Variants in NEO1 observed in about 807,000 individuals in gnomAD.
NEO1 encodes neogenin.
Under a neutral mutation model 159.7 loss-of-function variants are expected in NEO1, and 63 were observed. The observed-to-expected ratio is 0.39, with a 90% CI of 0.32 to 0.49. The LOEUF is 0.49. NEO1 is among the 20% of genes least tolerant of loss of function. NEO1 has a pLI of 0.85. For missense variants in NEO1, 1,615 were observed against 1,831.0 expected (o/e 0.88, Z 2.15); for synonymous variants, 633 against 662.0 (o/e 0.96, Z 0.67).
intron 5 of NEO1, among the ~76,000 whole-genome samples, chr15:73,160,095 T>C (rs766709814): frequency 5.9e-5 from 9 of 152,324 alleles, no homozygotes; most frequent in Admixed American, 3.3e-4. Context: ...AGTTCTGTTA[T>C]CTGTTTTCCC....
At chr15:73,215,272 T>C (rs1295551800) in intron 7 of NEO1, among the ~76,000 whole-genome samples, 1 of 152,208 alleles carries the variant, frequency 6.6e-6, no homozygotes, top group Non-Finnish European at 1.5e-5. Context: ...CCTTTATTTC[T>C]TTCTCTTGTC....
chr15:73,287,634 C>T (rs1269393244), intron 23 of NEO1, among the ~76,000 whole-genome samples: 2 of 152,234 alleles, frequency 1.3e-5, no homozygotes, highest in African/African-American at 4.8e-5. Context: ...GTAATCCCAG[C>T]ACTTTGGGAG....
At chr15:73,136,448 C>A (rs985165060) in intron 5 of NEO1, among the ~76,000 whole-genome samples, 2 of 151,938 alleles carry the variant, frequency 1.3e-5, no homozygotes. Context: ...ATTCACTTTT[C>A]TTGTCTCAGG....
intron 7 of NEO1, among the ~76,000 whole-genome samples, chr15:73,190,799 T>G (rs1218639701): frequency 2.0e-5 from 3 of 152,122 alleles, no homozygotes; most frequent in Non-Finnish European, 4.4e-5. Flanking sequence ...ATGAAATTCA[T>G]GTCTAGGAAC....
intron 5 of NEO1, among the ~76,000 whole-genome samples, chr15:73,138,579 A>G (rs1596115956): frequency 6.6e-6 from 1 of 151,926 alleles, no homozygotes; most frequent in African/African-American, 2.4e-5. Flanking sequence ...AAACGGTGAA[A>G]CCCCGTCTCT....
chr15:73,171,612 C>CTATTATTATTATTAT (rs10549726), intron 5 of NEO1, among the ~76,000 whole-genome samples: 3 of 139,012 alleles, frequency 2.2e-5, no homozygotes, highest in South Asian at 2.4e-4. Context: ...TATTAAGAAA[C>CTATTATTATTATTAT]TATTATTATT....
chr15:73,122,367 A>G (rs1252521346), intron 2 of NEO1, among the ~76,000 whole-genome samples, 158 bp from the exon 3 acceptor site: 1 of 152,042 alleles, frequency 6.6e-6, no homozygotes, highest in Non-Finnish European at 1.5e-5. Flanking sequence ...TTATTTGCCC[A>G]GTATCCCTGT....
chr15:73,156,509 G>A (rs1443610556), intron 5 of NEO1, among the ~76,000 whole-genome samples: 1 of 152,182 alleles, frequency 6.6e-6, no homozygotes, highest in East Asian at 1.9e-4. Context: ...GACCTACTGG[G>A]AAGCCAGGGT....
chr15:73,177,659 G>A, intron 6 of NEO1, among the ~76,000 whole-genome samples: 1 of 152,078 alleles, frequency 6.6e-6, no homozygotes, highest in East Asian at 1.9e-4. Context: ...CGATCCTCCT[G>A]CCAACCTGAG....
chr15:73,166,175 T>C (rs934769219), intron 5 of NEO1, among the ~76,000 whole-genome samples: 3 of 152,198 alleles, frequency 2.0e-5, no homozygotes, highest in African/African-American at 7.2e-5. Flanking sequence ...ATACCTGCTA[T>C]AGTGGCTTCT....
At chr15:73,169,409 T>A (rs142105523) in intron 5 of NEO1, among the ~76,000 whole-genome samples, 1 of 152,282 alleles carries the variant, frequency 6.6e-6, no homozygotes, top group African/African-American at 2.4e-5. Flanking sequence ...ATTTGTTCTC[T>A]GGTTATCAAT....
Position 73,184,976 on chromosome 15 carries a change from A to T in NEO1, c.1291+6549A>T, listed in dbSNP as rs138591756. 5.4e-4 allele frequency among the ~76,000 whole-genome samples: 82 copies of T among 152,296 alleles called. 1 individual carries two copies. In the East Asian group the frequency reaches 0.015, roughly 28 times the overall value. On this transcript the variant is annotated intron_variant, in intron 7 of 28. Transcript: ENST00000261908. ...AAAAGAAAAAAGAAATGAGCTGTCAAACCATAATGCACTTGAGGAATTATA... is the reference window on the plus strand; with the variant it reads ...AAAAGAAAAAAGAAATGAGCTGTCATACCATAATGCACTTGAGGAATTATA...
chr15:73,264,211 T>C lies in NEO1; in HGVS notation c.2399-2105T>C, dbSNP rs71397282. 4.4e-3 allele frequency among the ~76,000 whole-genome samples: 672 copies of C among 152,016 alleles called. 1 individual carries two copies. Among genetic ancestry groups the C allele is most frequent in the Non-Finnish European group, 7.8e-3 (532 of 67,962 alleles). On this transcript the variant is annotated intron_variant, in intron 15 of 28. Coordinates refer to ENST00000261908, the MANE Select transcript of NEO1 (RefSeq NM_002499.4). Reference sequence around the variant, plus strand: ...AAAAGAAAAAAAAAAAATGTCCCTGTAGTGACCAGCTTCATACTGTTTCCT... The same window carrying C: ...AAAAGAAAAAAAAAAAATGTCCCTGCAGTGACCAGCTTCATACTGTTTCCT...
intron 22 of NEO1, among the ~76,000 whole-genome samples, chr15:73,281,397 G>A (rs1416007762): frequency 6.6e-6 from 1 of 151,266 alleles, no homozygotes; most frequent in African/African-American, 2.4e-5. Flanking sequence ...TGGGACTACA[G>A]GCACCGCCAC....
rs1210350410 is a variant in NEO1 at position 73,228,656 on chromosome 15, T to A, written c.1292-7691T>A. On this transcript the variant is annotated intron_variant, in intron 7 of 28. Coordinates refer to ENST00000261908, the MANE Select transcript of NEO1 (RefSeq NM_002499.4). Reference sequence around the variant, plus strand: ...TTATCAGGGCATACTTTCTTTTATGTCTTGTGCGTTTGATGTAACGTATAA... The same window carrying A: ...TTATCAGGGCATACTTTCTTTTATGACTTGTGCGTTTGATGTAACGTATAA... Among the ~76,000 whole-genome samples, 9 of 152,220 alleles carry A rather than the reference T, an allele frequency of 5.9e-5. No individual in the cohort carries two copies. In the East Asian group the frequency reaches 1.7e-3, roughly 29 times the overall value.
At chr15:73,056,764 C>T (rs2067720990) in intron 1 of NEO1, among the ~76,000 whole-genome samples, 1 of 152,076 alleles carries the variant, frequency 6.6e-6, no homozygotes, top group East Asian at 1.9e-4. Flanking sequence ...CTTTTGTGAT[C>T]TTGGTCATCC....
chr15:73,084,517 A>G (rs900520395), intron 1 of NEO1, among the ~76,000 whole-genome samples: 4 of 152,268 alleles, frequency 2.6e-5, no homozygotes, highest in Middle Eastern at 6.8e-3. Flanking sequence ...CATTGTGTAT[A>G]TATACCATTT....
At chr15:73,193,648 C>T (rs1312141341) in intron 7 of NEO1, among the ~76,000 whole-genome samples, 1 of 148,842 alleles carries the variant, frequency 6.7e-6, no homozygotes, top group East Asian at 2.0e-4. Flanking sequence ...AAAAGTGTCT[C>T]CTTTCACTTT....
intron 26 of NEO1, 73 bp downstream of exon 26, chr15:73,293,621 G>C: frequency 2.0e-6 from 3 of 1,467,184 alleles, no homozygotes; most frequent in Non-Finnish European, 2.8e-6. Context: ...GGAAGGACTT[G>C]CCCTACTTAG....
Sources: gnomAD v4.1 joint callset for allele counts (sites outside exome capture counted in the v4.1 genomes callset) on GRCh38, gnomAD v4.1.1 for gene constraint, MANE v1.5 for transcripts, NCBI Gene and HGNC (gene_info 2026-07-23, HGNC 2026-07-21) for gene names.